The following ADGRB3 variants were observed in gnomAD, a reference collection of about 807,000 sequenced individuals.
ADGRB3 encodes the protein adhesion G protein-coupled receptor B3.
A neutral mutation model predicts 193.4 loss-of-function variants in ADGRB3; 37 were observed. That is an observed-to-expected ratio of 0.19 (90% CI 0.15 to 0.25). ADGRB3 has a LOEUF of 0.25. ADGRB3 is among the 10% of genes least tolerant of loss of function. ADGRB3 has a pLI of 1.00. For synonymous variants in ADGRB3, 690 were observed against 644.2 expected, an observed-to-expected ratio of 1.07 and a Z score of -1.08; for missense variants, 1,637 against 1,852.9, an observed-to-expected ratio of 0.88 and a Z score of 2.14.
At chr6:69,140,794 A>G (rs1774314885) in intron 17 of ADGRB3, among the ~76,000 whole-genome samples, 1 of 152,188 alleles carries the variant, frequency 6.6e-6, no homozygotes, top group Non-Finnish European at 1.5e-5. Flanking sequence ...TGTACCCACA[A>G]AAAATAAAAA....
intron 20 of ADGRB3, 51 bp downstream of exon 20, chr6:69,239,277 A>G: frequency 8.2e-7 from 1 of 1,219,628 alleles, no homozygotes; most frequent in Non-Finnish European, 1.2e-6. Flanking sequence ...ATTTTGGCAT[A>G]TTGTTAGTTA....
chr6:69,018,379 T>A lies in ADGRB3; in HGVS notation c.1999-12T>A, dbSNP rs573232417. The stretch of plus-strand genomic sequence containing the variant: ...ATTTTTTATTCCTTCTAACCTTTGC[T>A]TATTTTTCTAGATTTATCCAGGGTC... On this transcript the variant is annotated splice_polypyrimidine_tract_variant and intron_variant, in intron 12 of 31. Coordinates refer to ENST00000370598, the MANE Select transcript of ADGRB3 (RefSeq NM_001704.3). 9.7e-6 allele frequency: 15 copies of A among 1,548,830 alleles called. No individual in the cohort carries two copies. Among genetic ancestry groups the A allele is most frequent in the Non-Finnish European group, 1.3e-5 (15 of 1,130,136 alleles).
intron 3 of ADGRB3, among the ~76,000 whole-genome samples, chr6:68,885,433 T>A (rs544442322): frequency 6.6e-6 from 1 of 152,344 alleles, no homozygotes; most frequent in South Asian, 2.1e-4. Context: ...TGTGGAATGA[T>A]TAAGTCAAAC....
chr6:69,034,551 T>A (rs911295147), intron 13 of ADGRB3, among the ~76,000 whole-genome samples: 9 of 148,126 alleles, frequency 6.1e-5, no homozygotes, highest in Non-Finnish European at 1.3e-4. Flanking sequence ...ATACTACATA[T>A]AATTATATAA....
intron 20 of ADGRB3, among the ~76,000 whole-genome samples, chr6:69,284,513 A>C (rs1179092851): frequency 1.3e-5 from 2 of 152,134 alleles, no homozygotes; most frequent in African/African-American, 4.8e-5. Context: ...CCAAGCACTC[A>C]ACAAAGATCC....
chr6:69,218,902 G>T (rs1352312964), intron 17 of ADGRB3, among the ~76,000 whole-genome samples: 1 of 152,000 alleles, frequency 6.6e-6, no homozygotes, highest in East Asian at 1.9e-4. Context: ...ATAAATTTCT[G>T]TCAGTATTTC....
intron 3 of ADGRB3, among the ~76,000 whole-genome samples, chr6:68,912,770 C>G (rs531999106): frequency 6.6e-6 from 1 of 152,070 alleles, no homozygotes; most frequent in East Asian, 1.9e-4. Flanking sequence ...GTGCCTCACT[C>G]GGGAAACACA....
In ADGRB3 at chr6:69,031,553, T is replaced by TTTCTTTCTTTC. The variant is rs1554248806; in HGVS notation, c.2107+13055_2107+13056insTCTTTCTTTCT. 6.1e-4 allele frequency among the ~76,000 whole-genome samples: 66 copies of TTTCTTTCTTTC among 108,704 alleles called. 5 individuals are homozygous for TTTCTTTCTTTC. Among genetic ancestry groups the TTTCTTTCTTTC allele is most frequent in the African/African-American group, 1.6e-3 (48 of 30,240 alleles). The allele number at this position is 108,704 out of a possible 152,430, so 71.3% of individuals were successfully genotyped here. On this transcript the variant is annotated intron_variant, in intron 13 of 31. Coordinates refer to ENST00000370598, the MANE Select transcript of ADGRB3 (RefSeq NM_001704.3). ...TCTTTCTTTCTTTCTTTCTTTCTTT[T>TTTCTTTCTTTC]TCTTTCTTTCTTTTCTTCCTCTGTC...
At chr6:69,196,756 A>G (rs1338612377) in intron 17 of ADGRB3, among the ~76,000 whole-genome samples, 2 of 152,154 alleles carry the variant, frequency 1.3e-5, no homozygotes, top group Non-Finnish European at 2.9e-5. Context: ...TAACACTTAC[A>G]TAATGAGAGA....
At chr6:68,786,437 C>G (rs1424616305) in intron 3 of ADGRB3, among the ~76,000 whole-genome samples, 1 of 152,092 alleles carries the variant, frequency 6.6e-6, no homozygotes, top group Non-Finnish European at 1.5e-5. Flanking sequence ...TTGTTTTTGT[C>G]AGGTTTGTCA....
At chr6:68,767,268 G>A (rs2127354201) in intron 3 of ADGRB3, among the ~76,000 whole-genome samples, 1 of 152,186 alleles carries the variant, frequency 6.6e-6, no homozygotes, top group South Asian at 2.1e-4. Context: ...CAGGGATTAA[G>A]AGCTACACAA....
chr6:69,219,487 A>ATATATATATATATG lies in ADGRB3; in HGVS notation c.2481-13797_2481-13796insTATATATGTATATA, dbSNP rs1455210313. On this transcript the variant is annotated intron_variant, in intron 17 of 31. Transcript: ENST00000370598. ...TATATATATATATATATATATATAT[A>ATATATATATATATG]TATATACGTGTGTGTGTATATAGGT... Among the ~76,000 whole-genome samples, 68 of 140,514 alleles carry ATATATATATATATG rather than the reference A, an allele frequency of 4.8e-4. 1 individual carries two copies. Among genetic ancestry groups the ATATATATATATATG allele is most frequent in the Non-Finnish European group, 7.8e-4 (50 of 64,026 alleles). 92.2% of individuals were successfully genotyped at this position (140,514 alleles called of 152,430 possible).
At chr6:69,324,645 A>G (rs1169597643) in intron 20 of ADGRB3, among the ~76,000 whole-genome samples, 1 of 152,198 alleles carries the variant, frequency 6.6e-6, no homozygotes, top group African/African-American at 2.4e-5. Flanking sequence ...TCTCATAAAA[A>G]ATTAAGTGCA....
intron 3 of ADGRB3, among the ~76,000 whole-genome samples, chr6:68,812,202 T>A (rs1462081335): frequency 1.3e-5 from 2 of 152,204 alleles, no homozygotes; most frequent in Non-Finnish European, 2.9e-5. Flanking sequence ...TATGTGGGTG[T>A]GACCCATTTA....
At chr6:68,876,467 A>G (rs1008439632) in intron 3 of ADGRB3, among the ~76,000 whole-genome samples, 1 of 152,210 alleles carries the variant, frequency 6.6e-6, no homozygotes, top group African/African-American at 2.4e-5. Flanking sequence ...AGTGCCTGGG[A>G]CTTGAAATTA....
intron 17 of ADGRB3, among the ~76,000 whole-genome samples, chr6:69,102,832 A>G (rs548793753): frequency 1.3e-5 from 2 of 152,350 alleles, no homozygotes; most frequent in South Asian, 4.1e-4. Context: ...TCATGTATAT[A>G]CTCATGAATA....
chr6:69,255,146 T>C (rs889835733), intron 20 of ADGRB3, among the ~76,000 whole-genome samples: 4 of 152,048 alleles, frequency 2.6e-5, no homozygotes, highest in African/African-American at 9.7e-5. Flanking sequence ...TTTGCTATTG[T>C]GAATAGTGCC....
chr6:69,126,218 G>A (rs969678066), intron 17 of ADGRB3, among the ~76,000 whole-genome samples: 21 of 81,582 alleles, frequency 2.6e-4, no homozygotes, highest in Non-Finnish European at 3.4e-4. Context: ...TTGATAGATA[G>A]ATAAATAGAT....
intron 17 of ADGRB3, among the ~76,000 whole-genome samples, chr6:69,170,922 G>A (rs1159847146): frequency 6.6e-6 from 1 of 152,074 alleles, no homozygotes; most frequent in Non-Finnish European, 1.5e-5. Context: ...AATTAGTGCT[G>A]TCTAACTGAA....
Sources: gnomAD v4.1 joint callset for allele counts (sites outside exome capture counted in the v4.1 genomes callset) on GRCh38, gnomAD v4.1.1 for gene constraint, MANE v1.5 for transcripts, NCBI Gene and HGNC (gene_info 2026-07-23, HGNC 2026-07-21) for gene names.